Variants in NUF2 observed in about 807,000 individuals in gnomAD.
NUF2 encodes kinetochore protein Nuf2.
In NUF2, 34 loss-of-function variants were observed where a neutral mutation model predicts 61.8. The ratio of observed to expected loss-of-function variants is 0.55; its 90% CI spans 0.42 to 0.73. The LOEUF (loss-of-function observed/expected upper bound fraction) is 0.73. Ranked by LOEUF, NUF2 falls within the 30% of genes least tolerant of loss-of-function variation. NUF2 has a pLI of 0.00. For missense variants in NUF2, 445 were observed against 539.1 expected (o/e 0.83, Z 1.73); for synonymous variants, 172 against 181.6 (o/e 0.95, Z 0.42).
chr1:163,328,936 G>A, intron 5 of NUF2, 29 bp downstream of exon 5: 2 of 1,275,786 alleles, frequency 1.6e-6, no homozygotes, highest in Non-Finnish European at 2.3e-6. Context: ...CAGTTTTAAT[G>A]TCTGGCTTCG....
At chr1:163,353,817 T>G (rs1229127244) in intron 13 of NUF2, among the ~76,000 whole-genome samples, 1 of 152,182 alleles carries the variant, frequency 6.6e-6, no homozygotes, top group Non-Finnish European at 1.5e-5. Context: ...GCCACTGGAA[T>G]TGGGCCTTAA....
intron 5 of NUF2, among the ~76,000 whole-genome samples, chr1:163,333,990 A>C (rs1230120583): frequency 6.6e-6 from 1 of 152,146 alleles, no homozygotes; most frequent in Non-Finnish European, 1.5e-5. Context: ...CACATTTTGT[A>C]GTCTCCAGTG....
In NUF2 at chr1:163,340,358, C is replaced by T. The variant is rs985259692; in HGVS notation, c.607-6C>T. ...CATTATAAAACGTGTTTGCTTTTTC[C>T]CTTAGATAGTGCTGCAAGAGGGAAA... On this transcript the variant is annotated splice_region_variant and splice_polypyrimidine_tract_variant and intron_variant, in intron 8 of 13. Transcript: ENST00000271452. 1 of 1,606,032 alleles carries T rather than the reference C, an allele frequency of 6.2e-7. No homozygotes were observed. The highest frequency in any genetic ancestry group is 1.1e-5 in the South Asian group (1 of 89,968).
At chr1:163,339,520 G>T in intron 8 of NUF2, 43 bp downstream of exon 8, 2 of 1,168,998 alleles carry the variant, frequency 1.7e-6, no homozygotes, top group Non-Finnish European at 2.6e-6. Context: ...AACAAAATTT[G>T]TTTGTAGATG....
At position 163,345,673 on chromosome 1, in the gene NUF2, C is replaced by G; in HGVS notation, c.808-5C>G. 1 of 1,599,592 alleles carries G rather than the reference C, an allele frequency of 6.3e-7. No individual in the cohort carries two copies. Among genetic ancestry groups the G allele is most frequent in the Non-Finnish European group, 8.5e-7 (1 of 1,175,952 alleles). On this transcript the variant is annotated splice_region_variant and splice_polypyrimidine_tract_variant and intron_variant, in intron 10 of 13. Coordinates refer to ENST00000271452, the MANE Select transcript of NUF2 (RefSeq NM_145697.3). ...ACTGTGGTCTCTGTTTTTTGTCTTTCAAAGCAAGAAGTGGTGGAGAAATAT... is the reference window on the plus strand; with the variant it reads ...ACTGTGGTCTCTGTTTTTTGTCTTTGAAAGCAAGAAGTGGTGGAGAAATAT...
chr1:163,348,485 G>A (rs1340096925), intron 12 of NUF2, among the ~76,000 whole-genome samples: 1 of 152,016 alleles, frequency 6.6e-6, no homozygotes, highest in East Asian at 1.9e-4. Flanking sequence ...TTACTAAAAG[G>A]TGCGTCAGAG....
intron 5 of NUF2, among the ~76,000 whole-genome samples, chr1:163,336,044 T>C (rs1650747471): frequency 6.6e-6 from 1 of 152,064 alleles, no homozygotes; most frequent in African/African-American, 2.4e-5. Context: ...ATCTACCATG[T>C]ATGTTATTTG....
chr1:163,330,657 A>G (rs899271716), intron 5 of NUF2, among the ~76,000 whole-genome samples: 2 of 152,012 alleles, frequency 1.3e-5, no homozygotes, highest in Non-Finnish European at 2.9e-5. Context: ...CATTTGGGGG[A>G]TATTTGACAA....
intron 13 of NUF2, among the ~76,000 whole-genome samples, chr1:163,354,288 A>T (rs951531303): frequency 2.0e-5 from 3 of 152,184 alleles, no homozygotes; most frequent in African/African-American, 7.2e-5. Flanking sequence ...TTTTTGTGTT[A>T]GGATTTAATA....
intron 9 of NUF2, among the ~76,000 whole-genome samples, chr1:163,343,467 G>A (rs1571392503): frequency 6.6e-6 from 1 of 152,102 alleles, no homozygotes; most frequent in Non-Finnish European, 1.5e-5. Context: ...AGATTGTAGG[G>A]TGCAGTAGGG....
At position 163,351,070 on chromosome 1, in the gene NUF2, C is replaced by T. The variant is rs181779220; in HGVS notation, c.1260+1990C>T. Reference sequence around the variant, plus strand: ...CCTTCTCATATTCAGGATAATTAGTCCTAGTTTTCCACCATTCTTTATATA... The same window carrying T: ...CCTTCTCATATTCAGGATAATTAGTTCTAGTTTTCCACCATTCTTTATATA... On this transcript the variant is annotated intron_variant, in intron 13 of 13. Coordinates refer to ENST00000271452, the MANE Select transcript of NUF2 (RefSeq NM_145697.3). Among the ~76,000 whole-genome samples, 4 of 152,060 alleles carry T rather than the reference C, an allele frequency of 2.6e-5. No individual in the cohort carries two copies. In the East Asian group the frequency reaches 7.7e-4, roughly 29 times the overall value.
chr1:163,328,421 A>G (rs1650496950), intron 4 of NUF2, 117 bp downstream of exon 4: 2 of 603,916 alleles, frequency 3.3e-6, no homozygotes, highest in Admixed American at 3.3e-5. Context: ...TTTTCATTTC[A>G]TCCCATATAC....
intron 6 of NUF2, among the ~76,000 whole-genome samples, chr1:163,337,594 T>A (rs572741306): frequency 2.0e-5 from 3 of 152,198 alleles, no homozygotes; most frequent in Non-Finnish European, 4.4e-5. Context: ...TTTTGCTTGG[T>A]TAATTACTAT....
intron 10 of NUF2, among the ~76,000 whole-genome samples, chr1:163,345,215 T>C (rs1651083080): frequency 6.6e-6 from 1 of 152,126 alleles, no homozygotes; most frequent in African/African-American, 2.4e-5. Context: ...CTTTGTATTG[T>C]TACCATGGTT....
rs748370609 is a variant in NUF2, at chr1:163,328,921, T to A, written c.337+14T>A. On this transcript the variant is annotated intron_variant, in intron 5 of 13. Coordinates refer to ENST00000271452, the MANE Select transcript of NUF2 (RefSeq NM_145697.3). ...TTCTATGTCCAAGTAAGTGAGAATT[T>A]AAAACAGTTTTAATGTCTGGCTTCG... 6.6e-7 allele frequency: 1 copy of A among 1,519,654 alleles called. No individual in the cohort carries two copies. The highest frequency in any genetic ancestry group is 1.1e-5 in the South Asian group (1 of 88,466). The allele number at this position is 1,519,654 out of a possible 1,614,324, so 94.1% of individuals were successfully genotyped here.
chr1:163,353,506 T>C (rs187523774), intron 13 of NUF2, among the ~76,000 whole-genome samples: 209 of 152,320 alleles, frequency 1.4e-3, no homozygotes, highest in African/African-American at 4.7e-3. Context: ...ATTTTTAATT[T>C]CATTTGATTA....
intron 13 of NUF2, among the ~76,000 whole-genome samples, chr1:163,351,239 T>C (rs1050061556): frequency 6.6e-6 from 1 of 152,324 alleles, no homozygotes; most frequent in Middle Eastern, 3.4e-3. Context: ...AACACATTTT[T>C]AGTGAAGCAT....
intron 11 of NUF2, among the ~76,000 whole-genome samples, chr1:163,346,587 G>T (rs923384221): frequency 6.6e-6 from 1 of 152,184 alleles, no homozygotes; most frequent in East Asian, 1.9e-4. Flanking sequence ...GGGCATGGTG[G>T]CTCAAGCCTG....
At chr1:163,327,666 A>C in intron 3 of NUF2, 104 bp downstream of exon 3, 1 of 694,800 alleles carries the variant, frequency 1.4e-6, no homozygotes, top group Admixed American at 2.5e-5. Flanking sequence ...TAGGATAGGA[A>C]GTTCTTGACT....
Sources: gnomAD v4.1 joint callset for allele counts (sites outside exome capture counted in the v4.1 genomes callset) on GRCh38, gnomAD v4.1.1 for gene constraint, MANE v1.5 for transcripts, NCBI Gene and HGNC (gene_info 2026-07-23, HGNC 2026-07-21) for gene names.